The following FANCA variants were observed in gnomAD, a reference collection of about 807,000 sequenced individuals.
The protein encoded by FANCA is FA complementation group A, also known as Fanconi anemia group A protein.
Under a neutral mutation model 194.3 loss-of-function variants are expected in FANCA, and 236 were observed. The ratio of observed to expected loss-of-function variants is 1.21; its 90% confidence interval spans 1.09 to 1.35. The LOEUF is 1.35. Ranked by LOEUF, FANCA falls within the 40% of genes most tolerant of loss-of-function variation. FANCA has a pLI of 0.00. For missense variants in FANCA, 2,628 were observed against 1,813.9 expected (o/e 1.45, Z -8.15); for synonymous variants, 1,014 against 715.8 (o/e 1.42, Z -6.65).
At chr16:89,764,598 C>T (rs909910485) in intron 28 of FANCA, among the ~76,000 whole-genome samples, 3 of 152,186 alleles carry the variant, frequency 2.0e-5, no homozygotes, top group Non-Finnish European at 2.9e-5. Context: ...GAGCACCGTG[C>T]CCAGTATCTG....
intron 4 of FANCA, 31 bp downstream of exon 4, chr16:89,810,898 G>A (rs2040851404): frequency 1.9e-6 from 3 of 1,614,096 alleles, no homozygotes; most frequent in Admixed American, 3.3e-5. Flanking sequence ...GTAACAACGG[G>A]CAGGTTTCCT....
rs551622043 is a variant in FANCA at position 89,754,814 on chromosome 16, G to A, written c.2982-2592C>T. Among the ~76,000 whole-genome samples, 71 of 152,222 alleles carry A rather than the reference G, an allele frequency of 4.7e-4. 1 individual carries two copies. The highest frequency in any genetic ancestry group is 7.2e-4 in the Admixed American group (11 of 15,276). On this transcript the variant is annotated intron_variant, in intron 30 of 42. Transcript: ENST00000389301. Reference sequence around the variant, plus strand: ...AATGATTCAAAAGGAAAGAAGACTCGCTATCACTGAGATGGCAATACTGCC... The same window carrying A: ...AATGATTCAAAAGGAAAGAAGACTCACTATCACTGAGATGGCAATACTGCC...
chr16:89,805,400 C>T lies in FANCA; in HGVS notation c.597-8G>A, dbSNP rs769221290. ...GCATGCATGTCGGGATGGCTGGAGACACACACAGAGGCAGACGTAAGGCTC... is the reference window on the plus strand; with the variant it reads ...GCATGCATGTCGGGATGGCTGGAGATACACACAGAGGCAGACGTAAGGCTC... On this transcript the variant is annotated splice_region_variant and splice_polypyrimidine_tract_variant and intron_variant, in intron 6 of 42. Coordinates refer to ENST00000389301, the MANE Select transcript of FANCA (RefSeq NM_000135.4). 6.2e-7 allele frequency: 1 copy of T among 1,606,204 alleles called. No individual in the cohort carries two copies. The highest frequency in any genetic ancestry group is 8.5e-7 in the Non-Finnish European group (1 of 1,173,110).
At chr16:89,744,880 AG>A in intron 36 of FANCA, 78 bp downstream of exon 36, 1 of 1,308,752 alleles carries the variant, frequency 7.6e-7, no homozygotes, top group Non-Finnish European at 1.1e-6. Flanking sequence ...CAAGCAAGCC[AG>A]GGTGTTTAGG....
At chr16:89,740,161 G>C (rs1439285683) in intron 38 of FANCA, 62 bp from the exon 39 acceptor site, 5 of 1,315,128 alleles carry the variant, frequency 3.8e-6, no homozygotes, top group African/African-American at 1.5e-5. Context: ...GGGTAGGAGG[G>C]TACAGCCCTC....
chr16:89,792,677 G>A (rs997211612), intron 11 of FANCA, 130 bp from the exon 12 acceptor site: 4 of 742,556 alleles, frequency 5.4e-6, no homozygotes, highest in African/African-American at 3.5e-5. Flanking sequence ...TAGAAAGAAA[G>A]ATACAAGACA....
intron 29 of FANCA, among the ~76,000 whole-genome samples, chr16:89,761,312 G>A (rs547351160): frequency 5.9e-5 from 9 of 151,698 alleles, no homozygotes; most frequent in Non-Finnish European, 7.4e-5. Context: ...CCAGCTACTC[G>A]GGAGGCTGAG....
At chr16:89,767,026 G>T (rs773469275) in intron 27 of FANCA, 115 bp downstream of exon 27, 222 of 853,888 alleles carry the variant, frequency 2.6e-4, no homozygotes, top group Admixed American at 3.8e-4. Flanking sequence ...GCCTGACCCA[G>T]GAGCTGCCCC....
chr16:89,771,432 C>T (rs60607565), intron 23 of FANCA, among the ~76,000 whole-genome samples: 1 of 152,250 alleles, frequency 6.6e-6, no homozygotes, highest in East Asian at 1.9e-4. Flanking sequence ...GCACTCCAGC[C>T]TGGGCAACAA....
At chr16:89,761,922 G>T in intron 29 of FANCA, 27 bp downstream of exon 29, 1 of 1,591,800 alleles carries the variant, frequency 6.3e-7, no homozygotes, top group Non-Finnish European at 8.6e-7. Context: ...ATCATGCCTG[G>T]CCAGGGTAGC....
In FANCA at chr16:89,745,039, GAGCAGC is replaced by G. The variant is rs2038334989; in HGVS notation, c.3540_3545del (p.Leu1181_Leu1182del). On this transcript the variant is annotated inframe_deletion, in exon 36 of 43. Coordinates refer to ENST00000389301, the MANE Select transcript of FANCA (RefSeq NM_000135.4). ...TCTGGCAGTGTCTCCTCCACCGGCA[GAGCAGC>G]ACAGGCTCCAGGCTCGGCCACCACA... The G allele has an allele frequency of 6.2e-7, 1 of 1,609,608 alleles. No individual in the cohort carries two copies. The highest frequency in any genetic ancestry group is 1.3e-5 in the African/African-American group (1 of 74,916).
Position 89,795,792 on chromosome 16 carries a change from G to A in FANCA, c.1006+114C>T, listed in dbSNP as rs1410348460. ...AGGACCCAGTCTCTGGTTCAAGACAGACGTAAAAGAGGTCCTAGAATTCCT... is the reference window on the plus strand; with the variant it reads ...AGGACCCAGTCTCTGGTTCAAGACAAACGTAAAAGAGGTCCTAGAATTCCT... On this transcript the variant is annotated intron_variant, in intron 11 of 42. Transcript: ENST00000389301. 5.2e-6 allele frequency: 4 copies of A among 773,432 alleles called. No homozygotes were observed. In the African/African-American group the frequency reaches 6.8e-5, roughly 13 times the overall value. The allele number at this position is 773,432 out of a possible 1,614,324, so 47.9% of individuals were successfully genotyped here.
intron 11 of FANCA, among the ~76,000 whole-genome samples, chr16:89,792,973 T>C (rs984404698): frequency 4.6e-5 from 7 of 152,172 alleles, no homozygotes; most frequent in African/African-American, 1.4e-4. Context: ...CTTTCACTAA[T>C]TTACTACTGC....
At chr16:89,743,763 T>C (rs1305790053) in intron 36 of FANCA, among the ~76,000 whole-genome samples, 2 of 151,980 alleles carry the variant, frequency 1.3e-5, no homozygotes, top group Admixed American at 6.6e-5. Context: ...GCGGAGGTCA[T>C]GGTGAGCCGA....
chr16:89,795,922 G>A lies in FANCA; in HGVS notation c.990C>T (p.His330=), dbSNP rs1413024545. Residue 330 remains histidine, a synonymous_variant, in exon 11 of 43, where the codon CAC becomes CAT. Transcript: ENST00000389301. ...TGGGCCTACCTTTCAGCACAGGGCT[G>A]TGAGTGAGTATCTGAGTCAGGGTAT... ...FSHTLTQILT[H]SPVLKASDAV... The A allele has an allele frequency of 4.3e-6, 7 of 1,613,352 alleles. No individual in the cohort carries two copies. The highest frequency in any genetic ancestry group is 5.9e-6 in the Non-Finnish European group (7 of 1,179,418).
At chr16:89,781,901 G>GGA (rs144148995) in intron 17 of FANCA, among the ~76,000 whole-genome samples, 59,154 of 146,762 alleles carry the variant, frequency 0.4, 12,950 homozygotes, top group East Asian at 0.69. Flanking sequence ...AGGCTACTCG[G>GGA]GAGGCTGAGG....
intron 14 of FANCA, among the ~76,000 whole-genome samples, chr16:89,785,181 G>C (rs1353227945): frequency 6.6e-6 from 1 of 152,198 alleles, no homozygotes; most frequent in African/African-American, 2.4e-5. Flanking sequence ...GGAAAAAAGA[G>C]AAACACCAAA....
intron 33 of FANCA, among the ~76,000 whole-genome samples, chr16:89,747,944 G>A (rs534001797): frequency 2.4e-4 from 37 of 152,182 alleles, no homozygotes; most frequent in Admixed American, 2.6e-4. Context: ...CAAGAGTTTC[G>A]CTCTGTCACC....
intron 15 of FANCA, among the ~76,000 whole-genome samples, chr16:89,784,186 G>C (rs1208785682): frequency 6.6e-6 from 1 of 151,782 alleles, no homozygotes; most frequent in African/African-American, 2.4e-5. Flanking sequence ...AACACAGCAA[G>C]ACCCCATCTG....
Sources: gnomAD v4.1 joint callset for allele counts (sites outside exome capture counted in the v4.1 genomes callset) on GRCh38, gnomAD v4.1.1 for gene constraint, MANE v1.5 for transcripts, NCBI Gene and HGNC (gene_info 2026-07-23, HGNC 2026-07-21) for gene names.